Variants in ADISSP observed in about 807,000 individuals in gnomAD.
ADISSP encodes the protein adipose secreted signaling protein.
chr20:3,753,675 G>C, the ADISSP span: 1 of 284,620 alleles, frequency 3.5e-6, no homozygotes, highest in Non-Finnish European at 6.9e-6. Context: ...CTGAAGCAAG[G>C]CAGCAGTAAT....
the ADISSP span, among the ~76,000 whole-genome samples, chr20:3,760,867 A>G: frequency 2.6e-5 from 4 of 152,202 alleles, no homozygotes; most frequent in South Asian, 6.2e-4. Context: ...GAAGCCTCCA[A>G]TGGGCCGAGC....
chr20:3,753,708 A>C, the ADISSP span: 1 of 350,092 alleles, frequency 2.9e-6, no homozygotes, highest in Non-Finnish European at 5.4e-6. Context: ...CCACAGAGCC[A>C]GCTCCGTCCT....
At chr20:3,763,686 GA>G in the ADISSP span, among the ~76,000 whole-genome samples, 1 of 152,152 alleles carries the variant, frequency 6.6e-6, no homozygotes, top group Non-Finnish European at 1.5e-5. Context: ...TTTTGTCAGG[GA>G]AACATACTGA....
At chr20:3,753,839 G>A in the ADISSP span, 1 of 592,268 alleles carries the variant, frequency 1.7e-6, no homozygotes. Flanking sequence ...CTTCCGGCAG[G>A]AGACTGAGGC....
At chr20:3,753,945 ACC>A in the ADISSP span, 10 of 789,022 alleles carry the variant, frequency 1.3e-5, no homozygotes, top group African/African-American at 1.5e-4. Context: ...AGGCCACTCC[ACC>A]CCCACACCCA....
the ADISSP span, among the ~76,000 whole-genome samples, chr20:3,764,757 G>A: frequency 6.6e-6 from 1 of 152,374 alleles, no homozygotes. Context: ...ACATTTGCTT[G>A]GAGGGCCTGG....
At chr20:3,764,383 G>A in the ADISSP span, among the ~76,000 whole-genome samples, 1 of 152,128 alleles carries the variant, frequency 6.6e-6, no homozygotes. Context: ...ACTCTGAACT[G>A]GTCCATGCAG....
the ADISSP span, chr20:3,754,000 C>T: frequency 3.0e-5 from 40 of 1,324,270 alleles, 1 homozygote; most frequent in East Asian, 9.4e-5. Context: ...CGCAGCATGT[C>T]GGGGGGACAA....
At chr20:3,755,733 A>G in the ADISSP span, 1 of 741,228 alleles carries the variant, frequency 1.3e-6, no homozygotes, top group Non-Finnish European at 2.2e-6. Flanking sequence ...AGAAAGCCCA[A>G]CTCCCTCCAT....
At chr20:3,757,873 A>AC in the ADISSP span, among the ~76,000 whole-genome samples, 1 of 151,360 alleles carries the variant, frequency 6.6e-6, no homozygotes, top group African/African-American at 2.4e-5. Context: ...AGCGCAGCAG[A>AC]CCCCCCACTC....
the ADISSP span, among the ~76,000 whole-genome samples, chr20:3,757,194 T>TA: frequency 1.3e-5 from 2 of 151,778 alleles, no homozygotes; most frequent in African/African-American, 2.4e-5. Flanking sequence ...ACTAAAAATA[T>TA]AAAAAATTAG....
At chr20:3,759,867 G>A in the ADISSP span, 4 of 705,962 alleles carry the variant, frequency 5.7e-6, no homozygotes, top group East Asian at 1.1e-4. The surrounding 1 kb of genome is among the most constrained non-coding windows in gnomAD (Gnocchi z 4.6). Context: ...GAGTCAGCAG[G>A]GCTCTGCAGG....
At chr20:3,754,343 C>T in the ADISSP span, 2 of 1,595,578 alleles carry the variant, frequency 1.3e-6, no homozygotes, top group Non-Finnish European at 1.7e-6. Flanking sequence ...GGACAGAAAC[C>T]CTCGCAGTCG....
chr20:3,755,482 C>T, the ADISSP span: 23 of 1,611,572 alleles, frequency 1.4e-5, no homozygotes, highest in Non-Finnish European at 1.9e-5. Flanking sequence ...CAGGGACGGG[C>T]ACCACGCTGA....
the ADISSP span, among the ~76,000 whole-genome samples, chr20:3,761,223 A>G: frequency 6.6e-6 from 1 of 152,244 alleles, no homozygotes; most frequent in African/African-American, 2.4e-5. Flanking sequence ...CTAAAGGAAC[A>G]AATGCTGGAG....
the ADISSP span, among the ~76,000 whole-genome samples, chr20:3,756,127 C>G: frequency 6.6e-6 from 1 of 152,158 alleles, no homozygotes; most frequent in Non-Finnish European, 1.5e-5. Context: ...CCACAGATAG[C>G]GTGGGATGAG....
At chr20:3,755,975 A>G in the ADISSP span, among the ~76,000 whole-genome samples, 2 of 152,180 alleles carry the variant, frequency 1.3e-5, no homozygotes, top group African/African-American at 2.4e-5. Context: ...CATTCCTGCT[A>G]TGCATGGCAC....
At chr20:3,761,551 G>T in the ADISSP span, among the ~76,000 whole-genome samples, 6 of 152,120 alleles carry the variant, frequency 3.9e-5, no homozygotes, top group Non-Finnish European at 8.8e-5. Context: ...GGCCAGGCTG[G>T]TCTCGAACTC....
chr20:3,755,634 G>A, the ADISSP span: 7 of 1,573,936 alleles, frequency 4.4e-6, no homozygotes, highest in African/African-American at 8.1e-5. Flanking sequence ...GAGGGAGGGA[G>A]GCACCTTCAC....
Sources: allele counts gnomAD v4.1 joint callset (sites outside exome capture counted in the v4.1 genomes callset), GRCh38; gene constraint gnomAD v4.1.1; non-coding constraint Gnocchi (gnomAD v3.1); transcripts MANE v1.5; gene names NCBI Gene and HGNC (gene_info 2026-07-23, HGNC 2026-07-21).